NT5DC1: variants seen among roughly 807,000 people sequenced by gnomAD.
The protein encoded by NT5DC1 is 5'-nucleotidase domain containing 1, also known as 5'-nucleotidase domain-containing protein 1.
Under a neutral mutation model 59.4 loss-of-function variants are expected in NT5DC1, and 42 were observed. The ratio of observed to expected loss-of-function variants is 0.71; its 90% CI spans 0.55 to 0.92. NT5DC1 has a LOEUF of 0.92. NT5DC1 is among the 40% of genes least tolerant of loss of function. The pLI, the probability that NT5DC1 is intolerant of heterozygous loss-of-function variation, is 0.00. For synonymous variants in NT5DC1, 172 were observed against 188.1 expected, an observed-to-expected ratio of 0.91 and a Z score of 0.70; for missense variants, 501 against 537.1, an observed-to-expected ratio of 0.93 and a Z score of 0.66.
At chr6:116,114,041 C>G (rs987310505) in intron 4 of NT5DC1, among the ~76,000 whole-genome samples, 1 of 152,184 alleles carries the variant, frequency 6.6e-6, no homozygotes, top group African/African-American at 2.4e-5. Flanking sequence ...CATGGCATAT[C>G]ATCTTCCTTT....
intron 6 of NT5DC1, among the ~76,000 whole-genome samples, chr6:116,118,428 G>T (rs1278647417): frequency 6.6e-6 from 1 of 152,128 alleles, no homozygotes; most frequent in African/African-American, 2.4e-5. Flanking sequence ...GCTTTGCTTG[G>T]ATTACACAAG....
intron 6 of NT5DC1, among the ~76,000 whole-genome samples, chr6:116,124,622 A>G (rs1779237098): frequency 1.3e-5 from 2 of 152,210 alleles, no homozygotes; most frequent in South Asian, 4.1e-4. Context: ...TACAGGTATT[A>G]ATTCATTTAA....
At chr6:116,172,832 A>G (rs898524951) in intron 6 of NT5DC1, among the ~76,000 whole-genome samples, 5 of 152,196 alleles carry the variant, frequency 3.3e-5, no homozygotes, top group Admixed American at 2.0e-4. Flanking sequence ...CCTTTAGGAA[A>G]ATCTACTCTC....
intron 8 of NT5DC1, among the ~76,000 whole-genome samples, chr6:116,226,240 C>T (rs1781907367): frequency 6.6e-6 from 1 of 151,760 alleles, no homozygotes; most frequent in South Asian, 2.1e-4. Context: ...AAGTAAGTAC[C>T]CAATAAATAT....
intron 8 of NT5DC1, among the ~76,000 whole-genome samples, chr6:116,231,393 A>G (rs919674806): frequency 1.3e-5 from 2 of 152,318 alleles, no homozygotes; most frequent in South Asian, 2.1e-4. Context: ...TCAAATTTAC[A>G]TATATACAGA....
intron 6 of NT5DC1, among the ~76,000 whole-genome samples, chr6:116,138,389 T>A (rs1016280270): frequency 5.3e-5 from 8 of 152,168 alleles, no homozygotes; most frequent in Non-Finnish European, 7.3e-5. Context: ...GGCTATTCCT[T>A]GTTAAGATTT....
At position 116,107,460 on chromosome 6, in the gene NT5DC1, C is replaced by T. The variant is rs887711485; in HGVS notation, c.186-904C>T. On this transcript the variant is annotated intron_variant, in intron 2 of 11. Coordinates refer to ENST00000319550, the MANE Select transcript of NT5DC1 (RefSeq NM_152729.3). ...TATTATTCATAATAATGAATCTGTA[C>T]TCACCTTTCTCCCCAAATCCCACAA... Among the ~76,000 whole-genome samples the T allele has an allele frequency of 3.6e-4, 54 of 151,648 alleles. 1 individual carries two copies. The highest frequency in any genetic ancestry group is 1.3e-3 in the African/African-American group (53 of 41,316).
intron 8 of NT5DC1, among the ~76,000 whole-genome samples, chr6:116,234,669 A>C (rs1782082370): frequency 6.6e-6 from 1 of 152,210 alleles, no homozygotes. Context: ...GTAAAAATAG[A>C]GATTTAGGTA....
intron 6 of NT5DC1, among the ~76,000 whole-genome samples, chr6:116,143,532 T>G (rs1779817614): frequency 6.6e-6 from 1 of 152,050 alleles, no homozygotes; most frequent in Non-Finnish European, 1.5e-5. Flanking sequence ...CTTTAATTGT[T>G]TTTGTTCAGG....
At chr6:116,225,344 C>G (rs1466723022) in intron 8 of NT5DC1, among the ~76,000 whole-genome samples, 2 of 152,070 alleles carry the variant, frequency 1.3e-5, no homozygotes, top group Non-Finnish European at 2.9e-5. Context: ...TATTTGAAGC[C>G]AGGGGATTAT....
In NT5DC1 at chr6:116,106,345, T is replaced by C; in HGVS notation, c.185+10T>C. 3 of 85,742 alleles carry C rather than the reference T, an allele frequency of 3.5e-5. No individual in the cohort carries two copies. Among genetic ancestry groups the C allele is most frequent in the Non-Finnish European group, 5.2e-5 (3 of 57,608 alleles). The allele number at this position is 85,742 out of a possible 1,614,324, so 5.3% of individuals were successfully genotyped here. A position where few individuals can be genotyped will look rare whatever the true frequency, so the allele number is the denominator to read the frequency against. Reference sequence around the variant, plus strand: ...AGGATTGGGATTTCTGGTAAGTTCTTTTTTTTTTTTTTTTTTTAAGTCTGT... The same window carrying C: ...AGGATTGGGATTTCTGGTAAGTTCTCTTTTTTTTTTTTTTTTTAAGTCTGT... On this transcript the variant is annotated intron_variant, in intron 2 of 11. Transcript: ENST00000319550.
intron 6 of NT5DC1, among the ~76,000 whole-genome samples, chr6:116,202,523 CTTT>C (rs771700471): frequency 6.6e-6 from 1 of 151,886 alleles, no homozygotes; most frequent in Non-Finnish European, 1.5e-5. Context: ...AGGTTTATTT[CTTT>C]AATTCTAAAA....
At chr6:116,230,087 A>G (rs1324464468) in intron 8 of NT5DC1, among the ~76,000 whole-genome samples, 1 of 152,188 alleles carries the variant, frequency 6.6e-6, no homozygotes, top group Non-Finnish European at 1.5e-5. Context: ...TGTGCTATGC[A>G]TTAAATCCTG....
intron 6 of NT5DC1, among the ~76,000 whole-genome samples, chr6:116,170,450 G>A (rs1780580133): frequency 6.6e-6 from 1 of 152,082 alleles, no homozygotes; most frequent in Admixed American, 6.5e-5. Context: ...AAAGTACCAG[G>A]TTCATAGCCA....
chr6:116,109,817 C>T (rs566888), intron 3 of NT5DC1, among the ~76,000 whole-genome samples: 2,809 of 152,104 alleles, frequency 0.018, 86 homozygotes, highest in African/African-American at 0.065. Flanking sequence ...CATTATAATA[C>T]CAAGAGAATA....
chr6:116,231,455 A>G (rs1782019553), intron 8 of NT5DC1, among the ~76,000 whole-genome samples: 1 of 152,244 alleles, frequency 6.6e-6, no homozygotes, highest in South Asian at 2.1e-4. Flanking sequence ...ATAATTCATT[A>G]TTTAGTAACC....
intron 6 of NT5DC1, among the ~76,000 whole-genome samples, chr6:116,147,484 G>T (rs575032788): frequency 6.6e-6 from 1 of 151,866 alleles, no homozygotes; most frequent in African/African-American, 2.4e-5. Context: ...CAAACTGGGA[G>T]AAAAATTTCC....
chr6:116,227,831 A>T (rs1290610228), intron 8 of NT5DC1, among the ~76,000 whole-genome samples: 2 of 151,968 alleles, frequency 1.3e-5, no homozygotes, highest in South Asian at 4.2e-4. Flanking sequence ...TACTATTGAG[A>T]TGAGTTCCTT....
intron 3 of NT5DC1, 122 bp downstream of exon 3, chr6:116,108,557 T>A: frequency 1.5e-6 from 1 of 663,150 alleles, no homozygotes; most frequent in Non-Finnish European, 2.7e-6. Context: ...GATGACAGAT[T>A]GTCTGTCTAC....
Sources: gnomAD v4.1 joint callset for allele counts (sites outside exome capture counted in the v4.1 genomes callset) on GRCh38, gnomAD v4.1.1 for gene constraint, MANE v1.5 for transcripts, NCBI Gene and HGNC (gene_info 2026-07-23, HGNC 2026-07-21) for gene names.